The following PLEKHA7 variants were observed in gnomAD, a reference collection of about 807,000 sequenced individuals.
PLEKHA7 encodes the protein pleckstrin homology domain containing A7.
In PLEKHA7, 104 loss-of-function variants were observed where a neutral mutation model predicts 170.0. That is an observed-to-expected ratio of 0.61 (90% CI 0.52 to 0.72). The LOEUF (loss-of-function observed/expected upper bound fraction) is 0.72. Ranked by LOEUF, PLEKHA7 falls within the 30% of genes least tolerant of loss-of-function variation. The pLI is 0.00. For missense variants in PLEKHA7, 1,615 were observed against 1,671.7 expected (o/e 0.97, Z 0.59); for synonymous variants, 648 against 660.8 (o/e 0.98, Z 0.30).
chr11:16,981,937 C>A (rs751322710), intron 3 of PLEKHA7, among the ~76,000 whole-genome samples: 1 of 152,146 alleles, frequency 6.6e-6, no homozygotes, highest in Non-Finnish European at 1.5e-5. Flanking sequence ...TGTTTACCCA[C>A]GTTGCCCTTA....
At chr11:16,843,747 G>A (rs1852159281) in intron 8 of PLEKHA7, among the ~76,000 whole-genome samples, 3 of 152,208 alleles carry the variant, frequency 2.0e-5, no homozygotes, top group South Asian at 4.2e-4. Flanking sequence ...GACCAGCCTG[G>A]GCAACATGTT....
At chr11:16,801,212 A>G in intron 16 of PLEKHA7, 137 bp from the exon 17 acceptor site, 1 of 740,548 alleles carries the variant, frequency 1.4e-6, no homozygotes, top group Non-Finnish European at 2.4e-6. Flanking sequence ...GGTGGGAGAG[A>G]GAGAGGAGCA....
chr11:16,797,256 A>T (rs1351939580), intron 17 of PLEKHA7, among the ~76,000 whole-genome samples: 1 of 152,098 alleles, frequency 6.6e-6, no homozygotes, highest in African/African-American at 2.4e-5. Context: ...TATTCTCTTG[A>T]CTTTTAAGTT....
chr11:16,994,343 C>G (rs1343364349), intron 3 of PLEKHA7, among the ~76,000 whole-genome samples: 1 of 152,208 alleles, frequency 6.6e-6, no homozygotes, highest in Non-Finnish European at 1.5e-5. Context: ...CTAGGTCCCC[C>G]AGGGACACTA....
intron 21 of PLEKHA7, 148 bp from the exon 22 acceptor site, chr11:16,790,026 G>C: frequency 1.3e-6 from 1 of 741,162 alleles, no homozygotes; most frequent in East Asian, 2.7e-5. Context: ...GGGCATGGAG[G>C]AGCAAGGTCC....
chr11:16,785,451 CTG>C (rs1849332671), intron 24 of PLEKHA7, among the ~76,000 whole-genome samples: 1 of 152,210 alleles, frequency 6.6e-6, no homozygotes, highest in Non-Finnish European at 1.5e-5. Context: ...CACGTACCCA[CTG>C]TGTGCCAGGC....
At position 16,786,313 on chromosome 11, in the gene PLEKHA7, C is replaced by G. The variant is rs1849388279; in HGVS notation, c.3432G>C (p.Glu1144Asp). The change falls in exon 24 of 27, where the codon GAG becomes GAC. Residue 1144 changes from glutamate to aspartate, a missense_variant. By Grantham distance (45) the Glu-to-Asp change is conservative. Transcript: ENST00000531066. Reference protein sequence around the residue: ...VVQGEKKDKEENGWLKVQAMP... With the variant: ...VVQGEKKDKEDNGWLKVQAMP... ...TGGCCTGCACTTTCAACCAGCCATT[C>G]TCCTCCTTGTCCTTTTTTTCCCCTT... 26 of 1,536,142 alleles carry G rather than the reference C, an allele frequency of 1.7e-5. No individual in the cohort carries two copies. Among genetic ancestry groups the G allele is most frequent in the Non-Finnish European group, 2.3e-5 (26 of 1,146,884 alleles).
intron 20 of PLEKHA7, 46 bp from the exon 21 acceptor site, chr11:16,790,961 C>G (rs750926929): frequency 6.2e-7 from 1 of 1,613,972 alleles, no homozygotes; most frequent in South Asian, 1.1e-5. Flanking sequence ...TGTCACACCC[C>G]TTTACCTCTC....
intron 3 of PLEKHA7, among the ~76,000 whole-genome samples, chr11:16,974,388 T>C (rs1862925393): frequency 1.3e-5 from 2 of 151,996 alleles, no homozygotes; most frequent in Non-Finnish European, 2.9e-5. Flanking sequence ...TAGTGCTAAT[T>C]AGCAGATACT....
At chr11:16,911,030 A>T (rs985872515) in intron 3 of PLEKHA7, among the ~76,000 whole-genome samples, 1 of 152,178 alleles carries the variant, frequency 6.6e-6, no homozygotes, top group African/African-American at 2.4e-5. Flanking sequence ...ATATCTGATG[A>T]CTTGGCATCC....
At chr11:16,947,938 A>G (rs12275536) in intron 3 of PLEKHA7, among the ~76,000 whole-genome samples, 9,653 of 150,556 alleles carry the variant, frequency 0.064, 1,038 homozygotes, top group African/African-American at 0.22. Flanking sequence ...AAAAAGAAAA[A>G]AAAGAAAAAA....
In PLEKHA7 at chr11:16,794,562, A is replaced by G; in HGVS notation, c.2671T>C (p.Tyr891His). 1 of 1,613,738 alleles carries G rather than the reference A, an allele frequency of 6.2e-7. No homozygotes were observed. Among genetic ancestry groups the G allele is most frequent in the African/African-American group, 1.3e-5 (1 of 75,004 alleles). Residue 891 changes from tyrosine to histidine, a missense_variant, in exon 19 of 27, where the codon TAC (tyrosine) becomes CAC (histidine). Coordinates refer to ENST00000531066, the MANE Select transcript of PLEKHA7 (RefSeq NM_001329630.2). ...LFPQLQTYVP[Y>H]RPHPPQLRKV... ...CTCAGCTGGGGTGGGTGAGGTCGGTACGGCACGTAGGTTTGCAGCTGGGGG... is the reference window on the plus strand; with the variant it reads ...CTCAGCTGGGGTGGGTGAGGTCGGTGCGGCACGTAGGTTTGCAGCTGGGGG...
At chr11:16,823,437 C>T (rs1850398397) in intron 10 of PLEKHA7, among the ~76,000 whole-genome samples, 1 of 152,176 alleles carries the variant, frequency 6.6e-6, no homozygotes, top group Non-Finnish European at 1.5e-5. Context: ...GTAAGCATTC[C>T]ACCCTGGGTA....
At chr11:16,811,960 C>A (rs1187833242) in intron 13 of PLEKHA7, among the ~76,000 whole-genome samples, 1 of 152,212 alleles carries the variant, frequency 6.6e-6, no homozygotes, top group Non-Finnish European at 1.5e-5. Context: ...AGAAGCCTCT[C>A]CAGTGTTGTA....
At chr11:16,889,500 G>C (rs2135921031) in intron 3 of PLEKHA7, among the ~76,000 whole-genome samples, 1 of 148,208 alleles carries the variant, frequency 6.7e-6, no homozygotes, top group South Asian at 2.1e-4. Context: ...TGCTTGGGAG[G>C]CTGAGGTGGA....
intron 3 of PLEKHA7, among the ~76,000 whole-genome samples, chr11:16,889,400 CAAAAA>C (rs869268116): frequency 2.5e-4 from 13 of 52,740 alleles, no homozygotes; most frequent in African/African-American, 6.4e-4. Flanking sequence ...CTTTATTGCT[CAAAAA>C]AAAAAAAAAA....
In PLEKHA7 at chr11:17,014,340, C is replaced by T. The variant is rs930577267; in HGVS notation, c.62G>A (p.Arg21Gln). ...LPEHWSYGVC[R>Q]DGRVFFINDQ... ...CTTGATGAAGAAGACGCGGCCATCC[C>T]GGCACACCCCGTAGGACCAATGCTC... The change falls in exon 1 of 27, where the codon CGG (arginine) becomes CAG (glutamine). Residue 21 changes from arginine to glutamine, a missense_variant. Transcript: ENST00000531066. The T allele has an allele frequency of 3.5e-6, 5 of 1,449,014 alleles. No homozygotes were observed. In the East Asian group the frequency reaches 1.3e-4, roughly 36 times the overall value. The allele number at this position is 1,449,014 out of a possible 1,614,324, so 89.8% of individuals were successfully genotyped here. A position where few individuals can be genotyped will look rare whatever the true frequency, so the allele number is the denominator to read the frequency against.
At chr11:16,970,510 TA>T (rs557801592) in intron 3 of PLEKHA7, among the ~76,000 whole-genome samples, 1 of 151,154 alleles carries the variant, frequency 6.6e-6, no homozygotes, top group Non-Finnish European at 1.5e-5. Flanking sequence ...AAATAAAAAA[TA>T]AAAAAAATAG....
At chr11:16,980,811 C>T (rs1167407376) in intron 3 of PLEKHA7, among the ~76,000 whole-genome samples, 1 of 152,008 alleles carries the variant, frequency 6.6e-6, no homozygotes, top group Non-Finnish European at 1.5e-5. Context: ...CGCTTGAACC[C>T]GGGAGGCGGA....
Sources: allele counts gnomAD v4.1 joint callset (sites outside exome capture counted in the v4.1 genomes callset), GRCh38; gene constraint gnomAD v4.1.1; transcripts MANE v1.5; gene names NCBI Gene and HGNC (gene_info 2026-07-23, HGNC 2026-07-21).